Variants in AFF2 observed in about 807,000 individuals in gnomAD.
AFF2 encodes AF4/FMR2 family member 2.
AFF2 carries 14 observed loss-of-function variants against 76.9 expected under a neutral mutation model. The ratio of observed to expected loss-of-function variants is 0.18; its 90% confidence interval spans 0.12 to 0.28. The LOEUF (loss-of-function observed/expected upper bound fraction) is 0.28. Ranked by LOEUF, AFF2 falls within the 10% of genes least tolerant of loss-of-function variation. AFF2 has a pLI of 1.00. For missense variants in AFF2, 868 were observed against 1,001.1 expected, an observed-to-expected ratio of 0.87 and a Z score of 1.79; for synonymous variants, 398 against 366.7, an observed-to-expected ratio of 1.09 and a Z score of -0.98.
At chrX:148,526,213 AT>A (rs782090395) in intron 1 of AFF2, among the ~76,000 whole-genome samples, 3 of 111,273 alleles carry the variant, frequency 2.7e-5, no homozygotes, top group Admixed American at 9.6e-5. Context: ...GTTATAATCC[AT>A]TACTATCATC....
intron 1 of AFF2, among the ~76,000 whole-genome samples, chrX:148,580,645 G>C (rs782658956): frequency 1.8e-5 from 2 of 110,117 alleles, no homozygotes; most frequent in Non-Finnish European, 3.8e-5. Flanking sequence ...TTGTAGAAAA[G>C]ACCAAAACAA....
intron 1 of AFF2, among the ~76,000 whole-genome samples, chrX:148,555,801 CA>C (rs1196809124): frequency 8.9e-5 from 10 of 112,542 alleles, no homozygotes; most frequent in African/African-American, 3.2e-4. Flanking sequence ...AATATTCATT[CA>C]GTTTTTATGC....
intron 1 of AFF2, among the ~76,000 whole-genome samples, chrX:148,554,328 T>C (rs1369051303): frequency 4.5e-5 from 5 of 111,889 alleles, no homozygotes; most frequent in African/African-American, 9.8e-5. Flanking sequence ...CTCTTAAAGT[T>C]TGACATCCAG....
chrX:148,521,556 T>G (rs1557234519), intron 1 of AFF2, among the ~76,000 whole-genome samples: 1 of 111,486 alleles, frequency 9.0e-6, no homozygotes, highest in East Asian at 2.8e-4. Flanking sequence ...TCATAAACCT[T>G]AAGAAGGTAT....
At chrX:148,507,805 A>G (rs570766526) in intron 1 of AFF2, among the ~76,000 whole-genome samples, 4 of 112,185 alleles carry the variant, frequency 3.6e-5, no homozygotes, top group African/African-American at 1.3e-4. Flanking sequence ...TCTAACATCT[A>G]CCTACTTACT....
chrX:148,632,660 G>A (rs782339857), intron 1 of AFF2, among the ~76,000 whole-genome samples: 15 of 112,198 alleles, frequency 1.3e-4, no homozygotes, highest in Non-Finnish European at 2.3e-4. Flanking sequence ...TGTAGTCAGT[G>A]AGACTGCCAG....
intron 3 of AFF2, among the ~76,000 whole-genome samples, chrX:148,674,971 G>A (rs2054466722): frequency 8.9e-6 from 1 of 112,309 alleles, no homozygotes; most frequent in Non-Finnish European, 1.9e-5. Flanking sequence ...GATGGTCTGT[G>A]GCATCCCCTA....
At chrX:148,556,659 A>T (rs1557239746) in intron 1 of AFF2, among the ~76,000 whole-genome samples, 1 of 112,399 alleles carries the variant, frequency 8.9e-6, no homozygotes, top group Non-Finnish European at 1.9e-5. Context: ...TAAGAAGTTG[A>T]CTTGCTATAA....
At chrX:148,808,931 G>A (rs1249089426) in intron 3 of AFF2, among the ~76,000 whole-genome samples, 2 of 111,404 alleles carry the variant, frequency 1.8e-5, no homozygotes, top group African/African-American at 6.5e-5. Context: ...AGAGGCCTGG[G>A]CAATGTCGAT....
intron 10 of AFF2, among the ~76,000 whole-genome samples, chrX:148,954,771 C>G (rs1338679171): frequency 8.9e-6 from 1 of 111,891 alleles, no homozygotes; most frequent in African/African-American, 3.3e-5. Context: ...TTCCTCAACC[C>G]TTGCCTGCCA....
intron 3 of AFF2, among the ~76,000 whole-genome samples, chrX:148,786,964 C>T (rs1231370071): frequency 9.0e-6 from 1 of 111,663 alleles, no homozygotes; most frequent in African/African-American, 3.3e-5. Context: ...ATGTGAGGCT[C>T]CTCATTCCTA....
intron 3 of AFF2, among the ~76,000 whole-genome samples, chrX:148,690,207 G>A (rs1319690052): frequency 8.9e-6 from 1 of 112,197 alleles, no homozygotes; most frequent in African/African-American, 3.2e-5. Flanking sequence ...ACTGCAGTTT[G>A]TAGTGAGGGA....
At chrX:148,815,852 C>T (rs2070258830) in intron 4 of AFF2, among the ~76,000 whole-genome samples, 1 of 111,435 alleles carries the variant, frequency 9.0e-6, no homozygotes, top group Non-Finnish European at 1.9e-5. Flanking sequence ...TTTAAAATAG[C>T]TGAGTAAATT....
intron 1 of AFF2, among the ~76,000 whole-genome samples, chrX:148,523,859 G>T (rs782706977): frequency 8.9e-6 from 1 of 111,741 alleles, no homozygotes; most frequent in East Asian, 2.8e-4. Flanking sequence ...ATACTCTTTA[G>T]GGTAATCGTG....
intron 1 of AFF2, among the ~76,000 whole-genome samples, chrX:148,504,255 A>G (rs1417246902): frequency 3.6e-5 from 4 of 111,038 alleles, no homozygotes; most frequent in Non-Finnish European, 7.5e-5. Context: ...TGACAAGCCA[A>G]GGTTCTTTGT....
At chrX:148,661,351 C>G (rs2054302171) in intron 2 of AFF2, among the ~76,000 whole-genome samples, 1 of 112,381 alleles carries the variant, frequency 8.9e-6, no homozygotes, top group South Asian at 3.7e-4. Context: ...TCATTTTAAT[C>G]ATGAGTTAGC....
At chrX:148,808,227 A>G (rs2070161760) in intron 3 of AFF2, among the ~76,000 whole-genome samples, 1 of 111,865 alleles carries the variant, frequency 8.9e-6, no homozygotes, top group Non-Finnish European at 1.9e-5. Flanking sequence ...GTTGTGCATT[A>G]ACTATGTGAT....
chrX:148,710,583 T>A (rs2054955134), intron 3 of AFF2, among the ~76,000 whole-genome samples: 1 of 112,256 alleles, frequency 8.9e-6, no homozygotes, highest in Non-Finnish European at 1.9e-5. Context: ...TGTGTAACTG[T>A]CATCATTATC....
intron 3 of AFF2, among the ~76,000 whole-genome samples, chrX:148,757,196 G>T (rs782387601): frequency 2.7e-5 from 3 of 112,173 alleles, no homozygotes; most frequent in Non-Finnish European, 3.8e-5. Context: ...AGTACTGTCA[G>T]CACACAAATA....
Sources: gnomAD v4.1 joint callset for allele counts (sites outside exome capture counted in the v4.1 genomes callset) on GRCh38, gnomAD v4.1.1 for gene constraint, MANE v1.5 for transcripts, NCBI Gene and HGNC (gene_info 2026-07-23, HGNC 2026-07-21) for gene names.